Variants in BMPR1B observed in about 807,000 individuals in gnomAD.
BMPR1B encodes the protein bone morphogenetic protein receptor type 1B, also known as bone morphogenetic protein receptor type-1B.
BMPR1B carries 12 observed loss-of-function variants against 59.1 expected under a neutral mutation model. The ratio of observed to expected loss-of-function variants is 0.20; its 90% CI spans 0.13 to 0.33. BMPR1B has a LOEUF of 0.33. Among genes scored for constraint, BMPR1B ranks in the 10% least tolerant of loss-of-function variants. The probability of loss-of-function intolerance (pLI) is 1.00; values close to 1 mark genes in which losing one functional copy is unlikely to be tolerated. For synonymous variants in BMPR1B, 237 were observed against 207.3 expected, an observed-to-expected ratio of 1.14 and a Z score of -1.23; for missense variants, 550 against 610.9, an observed-to-expected ratio of 0.90 and a Z score of 1.05.
chr4:95,026,576 G>C (rs1724430264), intron 3 of BMPR1B, among the ~76,000 whole-genome samples: 1 of 152,014 alleles, frequency 6.6e-6, no homozygotes, highest in Admixed American at 6.6e-5. Flanking sequence ...GATAAAAATG[G>C]TAATTATGAG....
intron 3 of BMPR1B, among the ~76,000 whole-genome samples, chr4:95,046,143 A>G (rs1000510606): frequency 6.6e-6 from 1 of 152,056 alleles, no homozygotes; most frequent in Admixed American, 6.6e-5. Context: ...GGGCTCAATC[A>G]AGCAGCCCTC....
At chr4:95,140,995 A>G (rs1281509629) in intron 10 of BMPR1B, among the ~76,000 whole-genome samples, 2 of 152,170 alleles carry the variant, frequency 1.3e-5, no homozygotes, top group African/African-American at 4.8e-5. Flanking sequence ...TACTTGGCAT[A>G]TATTAACTAC....
intron 4 of BMPR1B, 35 bp downstream of exon 4, chr4:95,104,602 C>G (rs773901606): frequency 6.2e-7 from 1 of 1,610,354 alleles, no homozygotes. Context: ...CTAGCTTTAA[C>G]AAAAAGTCAC....
chr4:94,759,957 T>C (rs910499770), intron 1 of BMPR1B, among the ~76,000 whole-genome samples: 2 of 152,242 alleles, frequency 1.3e-5, no homozygotes, highest in African/African-American at 4.8e-5. Context: ...TAGCAAAATA[T>C]GGCCTAGAGC....
intron 8 of BMPR1B, 74 bp from the exon 9 acceptor site, chr4:95,129,788 T>C (rs1390662200): frequency 4.7e-6 from 7 of 1,481,806 alleles, no homozygotes; most frequent in Non-Finnish European, 6.5e-6. Context: ...AATCGTTTCT[T>C]CTCTGGAGAA....
chr4:95,036,763 G>T (rs369642849), intron 3 of BMPR1B, among the ~76,000 whole-genome samples: 4 of 144,844 alleles, frequency 2.8e-5, no homozygotes, highest in East Asian at 4.0e-4. Context: ...TTTTATGGTA[G>T]CTCTAGTTTT....
intron 4 of BMPR1B, among the ~76,000 whole-genome samples, chr4:95,113,312 A>G (rs1731765824): frequency 6.6e-6 from 1 of 152,136 alleles, no homozygotes; most frequent in Non-Finnish European, 1.5e-5. Flanking sequence ...CTTTTTAGCC[A>G]TTCATTAGTA....
intron 2 of BMPR1B, among the ~76,000 whole-genome samples, chr4:94,925,127 C>G (rs1247687146): frequency 3.9e-5 from 6 of 152,128 alleles, no homozygotes; most frequent in Middle Eastern, 3.4e-3. Context: ...TGGTCAATCT[C>G]CCTCTTCCTA....
At chr4:95,008,903 A>T (rs538318862) in intron 3 of BMPR1B, among the ~76,000 whole-genome samples, 90 of 152,254 alleles carry the variant, frequency 5.9e-4, no homozygotes, top group Non-Finnish European at 9.9e-4. Flanking sequence ...AACTAGAGTG[A>T]TGAGGGTTGG....
intron 3 of BMPR1B, among the ~76,000 whole-genome samples, chr4:95,096,392 C>G (rs1217294150): frequency 1.2e-4 from 18 of 151,338 alleles, no homozygotes; most frequent in Non-Finnish European, 1.9e-4. Flanking sequence ...CACAATATTG[C>G]ATTCTGATAG....
intron 1 of BMPR1B, among the ~76,000 whole-genome samples, chr4:94,825,180 C>G (rs1380257788): frequency 6.6e-6 from 1 of 152,084 alleles, no homozygotes; most frequent in Non-Finnish European, 1.5e-5. Flanking sequence ...CATCCTCTGG[C>G]TGTTAGCAGC....
chr4:95,077,370 T>C (rs917158789), intron 3 of BMPR1B, among the ~76,000 whole-genome samples: 1 of 152,148 alleles, frequency 6.6e-6, no homozygotes, highest in African/African-American at 2.4e-5. Context: ...CTTGTGTCTA[T>C]TTTGCCAGGC....
intron 10 of BMPR1B, among the ~76,000 whole-genome samples, chr4:95,137,901 T>C (rs1457653328): frequency 6.6e-6 from 1 of 152,198 alleles, no homozygotes; most frequent in Non-Finnish European, 1.5e-5. Context: ...ATTCAGCCCA[T>C]TTACATTTAA....
chr4:94,977,644 G>A (rs977684992), intron 2 of BMPR1B, among the ~76,000 whole-genome samples: 1 of 152,202 alleles, frequency 6.6e-6, no homozygotes, highest in Admixed American at 6.5e-5. Flanking sequence ...AGATCATGAG[G>A]TCAGGAGTTT....
chr4:95,065,292 G>T (rs918878935), intron 3 of BMPR1B, among the ~76,000 whole-genome samples: 1 of 152,126 alleles, frequency 6.6e-6, no homozygotes, highest in Non-Finnish European at 1.5e-5. Context: ...CCAGAGAGGC[G>T]TGGGGGCATA....
At chr4:95,146,828 T>G (rs1481289380) in intron 10 of BMPR1B, among the ~76,000 whole-genome samples, 5 of 152,314 alleles carry the variant, frequency 3.3e-5, no homozygotes, top group Admixed American at 2.6e-4. Context: ...GCTTTATAAA[T>G]GGAAATGGAG....
intron 3 of BMPR1B, among the ~76,000 whole-genome samples, chr4:95,076,339 A>G (rs920396875): frequency 5.9e-5 from 9 of 152,130 alleles, no homozygotes; most frequent in Non-Finnish European, 1.2e-4. Context: ...AACTACTATG[A>G]AAAGTTATAA....
At chr4:95,085,012 T>G (rs976575715) in intron 3 of BMPR1B, among the ~76,000 whole-genome samples, 1 of 152,198 alleles carries the variant, frequency 6.6e-6, no homozygotes, top group South Asian at 2.1e-4. Flanking sequence ...TTACATGTTT[T>G]GTATGTAAGT....
intron 1 of BMPR1B, among the ~76,000 whole-genome samples, chr4:94,809,120 G>A (rs1224811309): frequency 6.6e-6 from 1 of 152,122 alleles, no homozygotes; most frequent in East Asian, 1.9e-4. Flanking sequence ...TTATAAATGT[G>A]TTTGGTCACT....
Sources: gnomAD v4.1 joint callset for allele counts (sites outside exome capture counted in the v4.1 genomes callset) on GRCh38, gnomAD v4.1.1 for gene constraint, MANE v1.5 for transcripts, NCBI Gene and HGNC (gene_info 2026-07-23, HGNC 2026-07-21) for gene names.